The following ZNF469 variants were observed in gnomAD, a reference collection of about 807,000 sequenced individuals.
ZNF469 encodes the protein zinc finger protein 469.
ZNF469 carries 1 observed loss-of-function variant against 1.0 expected under a neutral mutation model. The ratio of observed to expected loss-of-function variants is 1.00; its 90% CI spans 0.35 to 4.73. The LOEUF is 4.73. ZNF469 is among the 30% of genes most tolerant of loss of function. The probability of loss-of-function intolerance (pLI) is 0.16; values close to 1 mark genes in which losing one functional copy is unlikely to be tolerated. For synonymous variants in ZNF469, 2,703 were observed against 2,363.4 expected, an observed-to-expected ratio of 1.14 and a Z score of -4.17; for missense variants, 6,100 against 5,356.3, an observed-to-expected ratio of 1.14 and a Z score of -4.33.
the ZNF469 span, among the ~76,000 whole-genome samples, chr16:88,281,416 C>T: frequency 2.4e-4 from 34 of 143,996 alleles, no homozygotes; most frequent in Admixed American, 5.6e-4. Flanking sequence ...GCCACACTGA[C>T]GCTTGGTCAG....
At chr16:88,420,654 T>C (rs1039468290) in intron 1 of ZNF469, among the ~76,000 whole-genome samples, 1 of 152,190 alleles carries the variant, frequency 6.6e-6, no homozygotes, top group African/African-American at 2.4e-5. Context: ...CCAGGAGGGC[T>C]TCCTGGAAGA....
chr16:88,388,017 C>G (rs770074533), intron 1 of ZNF469, among the ~76,000 whole-genome samples: 2 of 152,272 alleles, frequency 1.3e-5, no homozygotes, highest in Non-Finnish European at 2.9e-5. Context: ...GGCTCCCAGC[C>G]TCGGTTTGCG....
chr16:88,146,602 G>A, the ZNF469 span, among the ~76,000 whole-genome samples: 1 of 152,114 alleles, frequency 6.6e-6, no homozygotes. Context: ...GATGGGGACA[G>A]CTCTTCTCTC....
chr16:88,220,091 C>A, the ZNF469 span, among the ~76,000 whole-genome samples: 1 of 152,116 alleles, frequency 6.6e-6, no homozygotes, highest in African/African-American at 2.4e-5. Context: ...ATTTTGTGTC[C>A]AATAGAGTTT....
chr16:88,326,704 A>G, the ZNF469 span, among the ~76,000 whole-genome samples: 2 of 152,046 alleles, frequency 1.3e-5, no homozygotes, highest in African/African-American at 4.8e-5. Flanking sequence ...TCACTGACTC[A>G]TGGGACCCCC....
chr16:88,148,266 G>T, the ZNF469 span, among the ~76,000 whole-genome samples: 1 of 152,126 alleles, frequency 6.6e-6, no homozygotes, highest in Non-Finnish European at 1.5e-5. Context: ...CTCCCTCGGG[G>T]CCTCGTTCCC....
chr16:88,212,310 A>G, the ZNF469 span, among the ~76,000 whole-genome samples: 1 of 152,188 alleles, frequency 6.6e-6, no homozygotes, highest in South Asian at 2.1e-4. Context: ...GTTCTCTTGC[A>G]TTACATTTTT....
chr16:88,401,229 G>A (rs980279554), intron 1 of ZNF469, among the ~76,000 whole-genome samples: 12 of 152,380 alleles, frequency 7.9e-5, no homozygotes, highest in South Asian at 4.1e-4. Context: ...GGTATGCAGA[G>A]CAGTAGAAGA....
chr16:88,428,490 C>T lies in ZNF469; in HGVS notation c.1020C>T (p.Gly340=), dbSNP rs273585633. 4.1e-4 allele frequency: 635 copies of T among 1,549,524 alleles called. No homozygotes were observed. Among genetic ancestry groups the T allele is most frequent in the Non-Finnish European group, 5.2e-4 (591 of 1,146,838 alleles). The change falls in exon 3 of 3, where the codon GGC becomes GGT. Residue 340 remains glycine (G), a synonymous_variant. Transcript: ENST00000565624. The part of the protein sequence containing the change: ...PAPSPLPCYQ[G]QPGGLNRHSD... The stretch of plus-strand genomic sequence containing the variant: ...CCTCACCCCTGCCCTGCTACCAGGG[C>T]CAGCCAGGTGGCCTGAACCGCCACA...
rs1905854058 is a variant in ZNF469, at chr16:88,428,369, G to A, written c.899G>A (p.Gly300Glu). 8.4e-6 allele frequency: 13 copies of A among 1,548,690 alleles called. No individual in the cohort carries two copies. The highest frequency in any genetic ancestry group is 2.0e-5 in the Admixed American group (1 of 50,992). Residue 300 changes from glycine (G) to glutamate (E), a missense_variant, in exon 3 of 3, where the codon GGG becomes GAG. Transcript: ENST00000565624. Reference protein sequence around the residue: ...ADVAGHAFTNGPLVFAFHQPQ... With the variant: ...ADVAGHAFTNEPLVFAFHQPQ... ...GTGGCTGGGCACGCATTCACCAATG[G>A]GCCACTGGTGTTTGCCTTCCATCAG...
chr16:88,425,373 G>T (rs1240880771), intron 2 of ZNF469, among the ~76,000 whole-genome samples: 1 of 152,218 alleles, frequency 6.6e-6, no homozygotes, highest in Admixed American at 6.5e-5. Flanking sequence ...CCTGGCTGTT[G>T]CTGTTCCTAC....
intron 1 of ZNF469, among the ~76,000 whole-genome samples, chr16:88,396,894 T>TGGAGACCCTCATGAAGGGAGGCTGGGA (rs1904691245): frequency 6.0e-5 from 4 of 66,954 alleles, no homozygotes; most frequent in East Asian, 4.9e-4. Flanking sequence ...GGAGGCCGGG[T>TGGAGACCCTCATGAAGGGAGGCTGGGA]GGAGACCCTC....
chr16:88,184,628 C>G, the ZNF469 span, among the ~76,000 whole-genome samples: 1 of 152,024 alleles, frequency 6.6e-6, no homozygotes, highest in African/African-American at 2.4e-5. Context: ...AGTTCTGGAG[C>G]TGTGAGTAGC....
In ZNF469 at chr16:88,431,477, G is replaced by A; in HGVS notation, c.4007G>A (p.Ser1336Asn). 6.4e-7 allele frequency: 1 copy of A among 1,550,414 alleles called. No homozygotes were observed. The highest frequency in any genetic ancestry group is 1.4e-5 in the African/African-American group (1 of 73,190). ...CTGGCACCCGTGGCTAACCCCTCAAGTACCGCCTGCCCCAAACCCAGTGTT... is the reference window on the plus strand; with the variant it reads ...CTGGCACCCGTGGCTAACCCCTCAAATACCGCCTGCCCCAAACCCAGTGTT... ...EFLAPVANPS[S>N]TACPKPSVLS... The change falls in exon 3 of 3, where the codon AGT (serine) becomes AAT (asparagine). Residue 1336 changes from serine to asparagine, a missense_variant. Physicochemically the swap from Ser to Asn is conservative, Grantham distance 46. Coordinates refer to ENST00000565624, the MANE Select transcript of ZNF469 (RefSeq NM_001367624.2).
chr16:88,193,057 ATGGTGG>A, the ZNF469 span, among the ~76,000 whole-genome samples: 1 of 62,900 alleles, frequency 1.6e-5, no homozygotes, highest in African/African-American at 6.5e-5. Context: ...GATGATGGTG[ATGGTGG>A]TGATGGTGGT....
At chr16:88,426,948 G>C (rs913112104) in intron 2 of ZNF469, among the ~76,000 whole-genome samples, 2 of 152,152 alleles carry the variant, frequency 1.3e-5, no homozygotes, top group African/African-American at 4.8e-5. Flanking sequence ...ACCCTGCCCT[G>C]GGGCAGTTCC....
the ZNF469 span, among the ~76,000 whole-genome samples, chr16:88,145,714 G>T: frequency 6.6e-6 from 1 of 152,368 alleles, no homozygotes; most frequent in Admixed American, 6.5e-5. Flanking sequence ...ATCCCAGGGG[G>T]CCTCTTGCCC....
At chr16:88,121,795 G>T in the ZNF469 span, among the ~76,000 whole-genome samples, 3 of 152,146 alleles carry the variant, frequency 2.0e-5, no homozygotes, top group African/African-American at 7.2e-5. Flanking sequence ...CTAGGTCCTG[G>T]GTTTGCTGAA....
chr16:88,203,752 C>T, the ZNF469 span, among the ~76,000 whole-genome samples: 1 of 121,958 alleles, frequency 8.2e-6, no homozygotes, highest in Non-Finnish European at 1.9e-5. Context: ...GTGTGTGTAT[C>T]TCTGTGTCTC....
Sources: allele counts gnomAD v4.1 joint callset (sites outside exome capture counted in the v4.1 genomes callset), GRCh38; gene constraint gnomAD v4.1.1; transcripts MANE v1.5; gene names NCBI Gene and HGNC (gene_info 2026-07-23, HGNC 2026-07-21).